The following RANBP17 variants were observed in gnomAD, a reference collection of about 807,000 sequenced individuals.
The protein encoded by RANBP17 is RAN binding protein 17.
Under a neutral mutation model 141.2 loss-of-function variants are expected in RANBP17, and 158 were observed. That is an observed-to-expected ratio of 1.12 (90% CI 0.98 to 1.28). RANBP17 has a LOEUF of 1.28. Among genes scored for constraint, RANBP17 ranks in the 50% most tolerant of loss-of-function variants. The probability of loss-of-function intolerance (pLI) is 0.00; values close to 1 mark genes in which losing one functional copy is unlikely to be tolerated. For synonymous variants in RANBP17, 430 were observed against 450.0 expected (o/e 0.96, Z 0.56); for missense variants, 1,438 against 1,290.7 (o/e 1.11, Z -1.75).
intron 3 of RANBP17, among the ~76,000 whole-genome samples, chr5:170,888,653 A>AC (rs1769353909): frequency 6.6e-6 from 1 of 152,120 alleles, no homozygotes; most frequent in South Asian, 2.1e-4. Context: ...GTGAGCAAAG[A>AC]CACTTTTAGT....
intron 24 of RANBP17, among the ~76,000 whole-genome samples, chr5:171,257,962 G>A (rs941450018): frequency 2.0e-5 from 3 of 151,890 alleles, no homozygotes; most frequent in Non-Finnish European, 2.9e-5. Context: ...AAAATTAGCC[G>A]GAGATGGTGG....
chr5:171,243,377 G>T (rs1466336064), intron 24 of RANBP17, among the ~76,000 whole-genome samples: 1 of 152,154 alleles, frequency 6.6e-6, no homozygotes, highest in Non-Finnish European at 1.5e-5. Flanking sequence ...TTCTATTGCT[G>T]AGTATTATTC....
chr5:170,976,324 A>C (rs575049311), intron 14 of RANBP17, among the ~76,000 whole-genome samples: 1 of 152,314 alleles, frequency 6.6e-6, no homozygotes, highest in African/African-American at 2.4e-5. Flanking sequence ...AACATTGTTG[A>C]AACAAATTAA....
chr5:171,005,817 A>G (rs932881871), intron 14 of RANBP17, among the ~76,000 whole-genome samples: 2 of 151,986 alleles, frequency 1.3e-5, no homozygotes, highest in African/African-American at 4.8e-5. Flanking sequence ...AACCTACAGA[A>G]TGGGGGAAAA....
At chr5:171,248,441 C>G (rs1765361248) in intron 24 of RANBP17, among the ~76,000 whole-genome samples, 1 of 151,832 alleles carries the variant, frequency 6.6e-6, no homozygotes, top group South Asian at 2.1e-4. Context: ...GCCAGCTCGG[C>G]CAAGATTGGC....
chr5:171,196,952 C>G (rs1407917614), intron 18 of RANBP17, among the ~76,000 whole-genome samples: 1 of 152,152 alleles, frequency 6.6e-6, no homozygotes, highest in Non-Finnish European at 1.5e-5. Context: ...CTGCTCCCAG[C>G]TAAGCTTAGA....
At position 170,896,033 on chromosome 5, in the gene RANBP17, T is replaced by C. The variant is rs1770086329; in HGVS notation, c.424-17T>C. On this transcript the variant is annotated splice_polypyrimidine_tract_variant and intron_variant, in intron 4 of 27. Coordinates refer to ENST00000523189, the MANE Select transcript of RANBP17 (RefSeq NM_022897.5). ...ACTTGTCTCCACTTAGGCTAAACTT[T>C]GTTATTTTCTCCAAAGGGTACTGTG... 2 of 1,551,548 alleles carry C rather than the reference T, an allele frequency of 1.3e-6. No homozygotes were observed. Among genetic ancestry groups the C allele is most frequent in the Non-Finnish European group, 1.8e-6 (2 of 1,142,468 alleles).
chr5:171,152,009 G>A (rs753438238), intron 14 of RANBP17, among the ~76,000 whole-genome samples: 2 of 152,086 alleles, frequency 1.3e-5, no homozygotes, highest in Non-Finnish European at 2.9e-5. Flanking sequence ...GTGAAGAATA[G>A]AAATTTCTAA....
rs542533822 is a variant in RANBP17, at chr5:170,880,870, G to T, written c.166-936G>T. ...GTGTCATGTCATGACAACACCCATG[G>T]CTCTCTAGGCACTGTAGAGTTGTAG... On this transcript the variant is annotated intron_variant, in intron 2 of 27. Transcript: ENST00000523189. Among the ~76,000 whole-genome samples, 254 of 152,300 alleles carry T rather than the reference G, an allele frequency of 1.7e-3. 1 individual carries two copies. Among genetic ancestry groups the T allele is most frequent in the African/African-American group, 5.9e-3 (244 of 41,576 alleles).
chr5:171,170,826 T>G (rs1760048096), intron 15 of RANBP17, among the ~76,000 whole-genome samples: 1 of 152,110 alleles, frequency 6.6e-6, no homozygotes, highest in Non-Finnish European at 1.5e-5. Flanking sequence ...GAAGTGAGTT[T>G]TGGAGCCACA....
intron 14 of RANBP17, among the ~76,000 whole-genome samples, chr5:171,109,927 CTG>C (rs1158327830): frequency 1.3e-5 from 2 of 152,048 alleles, no homozygotes; most frequent in African/African-American, 4.8e-5. Flanking sequence ...ACTTGGGAAA[CTG>C]TTACCTTAAA....
intron 12 of RANBP17, among the ~76,000 whole-genome samples, chr5:170,939,786 T>C (rs1774186074): frequency 6.6e-6 from 1 of 152,176 alleles, no homozygotes; most frequent in South Asian, 2.1e-4. Flanking sequence ...GACAGAAGCA[T>C]GTCAGAGAGA....
chr5:171,019,801 C>G (rs1780723221), intron 14 of RANBP17, among the ~76,000 whole-genome samples: 1 of 151,830 alleles, frequency 6.6e-6, no homozygotes, highest in African/African-American at 2.4e-5. Flanking sequence ...TTAGTTATTT[C>G]TTGTCTTCTG....
intron 13 of RANBP17, among the ~76,000 whole-genome samples, chr5:170,953,995 AT>A: frequency 6.6e-6 from 1 of 152,250 alleles, no homozygotes; most frequent in East Asian, 1.9e-4. Context: ...GTTGGTGTGT[AT>A]TGGAAAGGTG....
intron 20 of RANBP17, among the ~76,000 whole-genome samples, chr5:171,213,407 AC>A (rs1763025077): frequency 6.6e-6 from 1 of 152,196 alleles, no homozygotes; most frequent in African/African-American, 2.4e-5. Flanking sequence ...AGGACATGTT[AC>A]AAATAAGAAC....
chr5:171,253,847 C>T (rs369390511), intron 24 of RANBP17, among the ~76,000 whole-genome samples: 1 of 152,052 alleles, frequency 6.6e-6, no homozygotes, highest in South Asian at 2.1e-4. Flanking sequence ...GGTAAATATC[C>T]TTTTTCAGGA....
At chr5:171,150,730 G>C (rs1487544933) in intron 14 of RANBP17, among the ~76,000 whole-genome samples, 1 of 152,092 alleles carries the variant, frequency 6.6e-6, no homozygotes, top group Admixed American at 6.6e-5. Flanking sequence ...TTTTTACATT[G>C]CTTTTCAAAA....
chr5:171,158,835 G>A (rs186147258), intron 14 of RANBP17, among the ~76,000 whole-genome samples: 11 of 152,252 alleles, frequency 7.2e-5, no homozygotes, highest in Non-Finnish European at 2.9e-5. Context: ...TCCAGCAGGT[G>A]CGGCTGCCTA....
chr5:171,002,612 C>T (rs1052686520), intron 14 of RANBP17, among the ~76,000 whole-genome samples: 1 of 152,076 alleles, frequency 6.6e-6, no homozygotes, highest in Admixed American at 6.5e-5. Context: ...AGTCCCTTTG[C>T]AAGAGTGAAG....
Sources: allele counts gnomAD v4.1 joint callset (sites outside exome capture counted in the v4.1 genomes callset), GRCh38; gene constraint gnomAD v4.1.1; transcripts MANE v1.5; gene names NCBI Gene and HGNC (gene_info 2026-07-23, HGNC 2026-07-21).